Variants in NPR1 observed in about 807,000 individuals in gnomAD.
NPR1 encodes atrial natriuretic peptide receptor 1.
Under a neutral mutation model 116.9 loss-of-function variants are expected in NPR1, and 57 were observed. The observed-to-expected ratio is 0.49, with a 90% CI of 0.39 to 0.61. NPR1 has a LOEUF of 0.61. Ranked by LOEUF, NPR1 falls within the 20% of genes least tolerant of loss-of-function variation. The probability of loss-of-function intolerance (pLI) is 0.00; values close to 1 mark genes in which losing one functional copy is unlikely to be tolerated. For missense variants in NPR1, 1,096 were observed against 1,409.8 expected (o/e 0.78, Z 3.56); for synonymous variants, 555 against 601.6 (o/e 0.92, Z 1.13).
chr1:153,682,613 A>G (rs1422970240), intron 5 of NPR1, 24 bp downstream of exon 5: 1 of 1,565,204 alleles, frequency 6.4e-7, no homozygotes, highest in Admixed American at 1.7e-5. Context: ...CCCAGAAGAC[A>G]GTGCCAATTC....
In NPR1 at chr1:153,678,808, TC is replaced by T; in HGVS notation, c.-300del. 2.4e-6 allele frequency: 1 copy of T among 408,396 alleles called. No homozygotes were observed. Among genetic ancestry groups the T allele is most frequent in the Non-Finnish European group, 4.3e-6 (1 of 233,074 alleles). 25.3% of individuals were successfully genotyped at this position (408,396 alleles called of 1,614,324 possible). On this transcript the variant is annotated 5_prime_UTR_variant, in exon 1 of 22. Transcript: ENST00000368680. This position sits in a 1 kb window ranked among gnomAD's most constrained non-coding sequence, Gnocchi z 5.8. The stretch of plus-strand genomic sequence containing the variant: ...CTCGCACCCTTTCTCTCTCTCTCTC[TC>T]TCTCTCTAACACGCACGCACACTCC...
intron 7 of NPR1, 152 bp from the exon 8 acceptor site, chr1:153,684,812 C>G: frequency 9.1e-7 from 1 of 1,096,444 alleles, no homozygotes; most frequent in Non-Finnish European, 1.3e-6. Flanking sequence ...AGAATTTCCC[C>G]CAGCCATCCT....
At chr1:153,691,258 T>C (rs1197943021) in intron 20 of NPR1, among the ~76,000 whole-genome samples, 22 of 152,248 alleles carry the variant, frequency 1.4e-4, no homozygotes, top group Non-Finnish European at 2.9e-5. Context: ...CAAACCCTGG[T>C]ACCCAGCAGG....
chr1:153,688,295 G>C, intron 15 of NPR1, 74 bp downstream of exon 15: 1 of 1,513,154 alleles, frequency 6.6e-7, no homozygotes. Flanking sequence ...TCTGGCTCTG[G>C]CTTATCCCAG....
In NPR1 at chr1:153,683,696, C is replaced by G. The variant is rs150748161; in HGVS notation, c.1400-44C>G. 8.1e-5 allele frequency: 130 copies of G among 1,599,712 alleles called. No homozygotes were observed. The African/African-American group carries it at 1.4e-3, about 17-fold the overall frequency. ...ATTAGAAAGTTCTTCCTCCTGCTGT[C>G]TAACCCAAATCTCTCTTGCTGCAAT... is the stretch of plus-strand genomic sequence containing the variant. On this transcript the variant is annotated intron_variant, in intron 6 of 21. Transcript: ENST00000368680.
Position 153,689,805 on chromosome 1 carries a change from G to A in NPR1, c.2758-1G>A. On this transcript the variant is annotated splice_acceptor_variant, in intron 18 of 21. Transcript: ENST00000368680. LOFTEE classifies it high-confidence loss of function. This position sits in a 1 kb window ranked among gnomAD's most constrained non-coding sequence, Gnocchi z 5.1. ...CCTGCACCCCCTCGCCACTCCCACA[G>A]GTGGAGACAATTGGCGATGCCTACA... 6.4e-7 allele frequency: 1 copy of A among 1,553,600 alleles called. No individual in the cohort carries two copies. Among genetic ancestry groups the A allele is most frequent in the South Asian group, 1.2e-5 (1 of 83,894 alleles).
rs749301581 is a variant in NPR1, at chr1:153,679,101, C to A, written c.-8C>A. 698 of 1,416,538 alleles carry A rather than the reference C, an allele frequency of 4.9e-4. No homozygotes were observed. The highest frequency in any genetic ancestry group is 5.9e-4 in the Non-Finnish European group (649 of 1,097,550). 87.7% of individuals were successfully genotyped at this position (1,416,538 alleles called of 1,614,324 possible). On this transcript the variant is annotated 5_prime_UTR_variant, in exon 1 of 22. It adds an upstream start codon to the 5' untranslated region. Transcript: ENST00000368680. The surrounding 1 kb of genome is among the most constrained non-coding windows in gnomAD (Gnocchi z 4.2). ...GAGCGCTCGCCTGCTGCGGTGCCCGCTGAGGCCATGCCGGGGCCCCGGCGC... is the reference window on the plus strand; with the variant it reads ...GAGCGCTCGCCTGCTGCGGTGCCCGATGAGGCCATGCCGGGGCCCCGGCGC...
At chr1:153,685,130 G>T (rs778329670) in intron 8 of NPR1, 46 bp downstream of exon 8, 1 of 1,604,220 alleles carries the variant, frequency 6.2e-7, no homozygotes. Context: ...AGGAGAGGTG[G>T]GTACAAGGGG....
At position 153,683,792 on chromosome 1, in the gene NPR1, C is replaced by G. The variant is rs755193080; in HGVS notation, c.1452C>G (p.Leu484=). The G allele has an allele frequency of 1.9e-6, 3 of 1,614,030 alleles. No homozygotes were observed. Among genetic ancestry groups the G allele is most frequent in the Middle Eastern group, 3.3e-4 (2 of 6,062 alleles). ...VLALVGSLSL[L]GILIVSFFIY... is the part of the protein sequence containing the mutation. ...CTTTGGTGGGCAGCCTCTCCTTGCT[C>G]GGCATTCTGATTGTCTCCTTCTTCA... The change falls in exon 7 of 22, where the codon CTC becomes CTG. Residue 484 remains leucine, a synonymous_variant. Coordinates refer to ENST00000368680, the MANE Select transcript of NPR1 (RefSeq NM_000906.4).
rs1298168204 is a variant in NPR1, at chr1:153,689,522, G to A, written c.2757+1G>A. On this transcript the variant is annotated splice_donor_variant, in intron 18 of 21. Coordinates refer to ENST00000368680, the MANE Select transcript of NPR1 (RefSeq NM_000906.4). LOFTEE classifies it high-confidence loss of function. This position sits in a 1 kb window ranked among gnomAD's most constrained non-coding sequence, Gnocchi z 5.1. Reference sequence around the variant, plus strand: ...CATAGACAACTTTGATGTGTACAAGGTGAGGGTGGGAGTGGGGATGGGAAG... The same window carrying A: ...CATAGACAACTTTGATGTGTACAAGATGAGGGTGGGAGTGGGGATGGGAAG... 8 of 1,613,836 alleles carry A rather than the reference G, an allele frequency of 5.0e-6. No homozygotes were observed. The highest frequency in any genetic ancestry group is 5.9e-6 in the Non-Finnish European group (7 of 1,179,722).
rs371633091 is a variant in NPR1 at position 153,690,015 on chromosome 1, G to C, written c.2932+35G>C. 8 of 1,466,206 alleles carry C rather than the reference G, an allele frequency of 5.5e-6. No homozygotes were observed. In the African/African-American group the frequency reaches 1.1e-4, roughly 21 times the overall value. The allele number at this position is 1,466,206 out of a possible 1,614,324, so 90.8% of individuals were successfully genotyped here. ...CTGAAGGTGCAGGCGGGCATCCAGA[G>C]GCCAAGGCTTCGCAAGGGAAACTTG... On this transcript the variant is annotated intron_variant, in intron 19 of 21. Coordinates refer to ENST00000368680, the MANE Select transcript of NPR1 (RefSeq NM_000906.4).
intron 19 of NPR1, 88 bp downstream of exon 19, chr1:153,690,068 ATCTCTCTCTCTCTCTCTCTC>A (rs1189924933): frequency 2.9e-6 from 2 of 680,262 alleles, no homozygotes; most frequent in African/African-American, 3.2e-5. Flanking sequence ...TCGCCCTTTC[ATCTCTCTCTCTCTCTCTCTC>A]TCTCTCTCTC....
chr1:153,687,096 C>G lies in NPR1; in HGVS notation c.1935+9C>G. ...CCAATGACATCGTCAAGGTATGCCC[C>G]TAAGCACCTATTGGATGTGTAGAGC... On this transcript the variant is annotated intron_variant, in intron 12 of 21. Coordinates refer to ENST00000368680, the MANE Select transcript of NPR1 (RefSeq NM_000906.4). 6.2e-7 allele frequency: 1 copy of G among 1,614,116 alleles called. No homozygotes were observed. The highest frequency in any genetic ancestry group is 8.5e-7 in the Non-Finnish European group (1 of 1,179,996).
In NPR1 at chr1:153,689,077, C is replaced by G; in HGVS notation, c.2542C>G (p.Leu848Val). The G allele has an allele frequency of 6.2e-7, 1 of 1,614,216 alleles. No individual in the cohort carries two copies. The highest frequency in any genetic ancestry group is 8.5e-7 in the Non-Finnish European group (1 of 1,180,038). ...GGAGGAGAAGCGCAAGGCTGAGGCC[C>G]TGCTCTACCAGATCCTGCCTCAGTG... ...YLEEKRKAEA[L>V]LYQILPHSVA... Residue 848 changes from leucine to valine, a missense_variant, in exon 16 of 22, where the codon CTG (leucine) becomes GTG (valine). By Grantham distance (32) the Leu-to-Val change is conservative. Transcript: ENST00000368680. The surrounding 1 kb of genome is among the most constrained non-coding windows in gnomAD (Gnocchi z 5.1).
chr1:153,687,857 C>A, intron 14 of NPR1, 68 bp downstream of exon 14: 2 of 1,470,934 alleles, frequency 1.4e-6, no homozygotes, highest in Non-Finnish European at 1.8e-6. Flanking sequence ...GGGAGAGGGT[C>A]CCCTGGCAGC....
Position 153,689,769 on chromosome 1 carries a change from A to C in NPR1, c.2758-37A>C. The stretch of plus-strand genomic sequence containing the variant: ...ACGGTGTGGCCGGCCGCACAGTTGC[A>C]GCCGTCAAGTCCTGCACCCCCTCGC... On this transcript the variant is annotated intron_variant, in intron 18 of 21. Transcript: ENST00000368680. The surrounding 1 kb of genome is among the most constrained non-coding windows in gnomAD (Gnocchi z 5.1). 2 of 1,487,534 alleles carry C rather than the reference A, an allele frequency of 1.3e-6. No homozygotes were observed. Among genetic ancestry groups the C allele is most frequent in the Non-Finnish European group, 1.8e-6 (2 of 1,109,830 alleles). The allele number at this position is 1,487,534 out of a possible 1,614,324, so 92.1% of individuals were successfully genotyped here.
In NPR1 at chr1:153,689,383, C is replaced by T; in HGVS notation, c.2689-70C>T. On this transcript the variant is annotated intron_variant, in intron 17 of 21. Coordinates refer to ENST00000368680, the MANE Select transcript of NPR1 (RefSeq NM_000906.4). This position sits in a 1 kb window ranked among gnomAD's most constrained non-coding sequence, Gnocchi z 5.1. ...ATCCCACCAGACCTGCCTTCTGGTT[C>T]TGCTTTACCCACCTGACCCCAGGTG... 1.9e-6 allele frequency: 3 copies of T among 1,613,538 alleles called. No homozygotes were observed. Among genetic ancestry groups the T allele is most frequent in the Middle Eastern group, 1.6e-4 (1 of 6,062 alleles).
intron 5 of NPR1, 21 bp from the exon 6 acceptor site, chr1:153,683,355 A>G (rs780184591): frequency 7.4e-6 from 12 of 1,611,154 alleles, no homozygotes; most frequent in Admixed American, 1.7e-5. Context: ...TGGCCTAGCC[A>G]CCACTCCTGC....
rs148384503 is a variant in NPR1 at position 153,686,159 on chromosome 1, C to T, written c.1717C>T (p.Arg573Cys). 12 of 1,613,966 alleles carry T rather than the reference C, an allele frequency of 7.4e-6. No individual in the cohort carries two copies. Among genetic ancestry groups the T allele is most frequent in the African/African-American group, 4.0e-5 (3 of 74,894 alleles). Residue 573 changes from arginine (R) to cysteine (C), a missense_variant, in exon 10 of 22, where the codon CGC becomes TGC. Coordinates refer to ENST00000368680, the MANE Select transcript of NPR1 (RefSeq NM_000906.4). ...GGCTGTGAAACGTGTGAACCGTAAA[C>T]GCATTGAGCTGACACGAAAAGTCCT... The part of the protein sequence containing the change: ...LVAVKRVNRK[R>C]IELTRKVLFE...
Sources: allele counts gnomAD v4.1 joint callset (sites outside exome capture counted in the v4.1 genomes callset), GRCh38; gene constraint gnomAD v4.1.1; non-coding constraint Gnocchi (gnomAD v3.1); transcripts MANE v1.5; gene names NCBI Gene and HGNC (gene_info 2026-07-23, HGNC 2026-07-21).